Variants in DNAI4 observed in about 807,000 individuals in gnomAD.
DNAI4 encodes the protein dynein axonemal intermediate chain 4.
A neutral mutation model predicts 105.8 loss-of-function variants in DNAI4; 85 were observed. That is an observed-to-expected ratio of 0.80 (90% CI 0.67 to 0.96). The LOEUF is 0.96. DNAI4 is among the 40% of genes least tolerant of loss of function. The pLI is 0.00. For synonymous variants in DNAI4, 352 were observed against 331.5 expected (o/e 1.06, Z -0.67); for missense variants, 1,014 against 1,005.6 (o/e 1.01, Z -0.11).
intron 7 of DNAI4, among the ~76,000 whole-genome samples, chr1:66,852,728 G>C (rs763745383): frequency 1.3e-5 from 2 of 152,118 alleles, no homozygotes; most frequent in African/African-American, 4.8e-5. Context: ...CAGAATGATT[G>C]TGTCCCTATA....
chr1:66,918,943 T>C (rs1650267858), intron 1 of DNAI4: 1 of 289,298 alleles, frequency 3.5e-6, no homozygotes, highest in African/African-American at 2.2e-5. Context: ...CTGATATAGA[T>C]GCATATTCTG....
Position 66,874,785 on chromosome 1 carries a change from C to T in DNAI4, c.796G>A (p.Val266Ile). Residue 266 changes from valine to isoleucine, a missense_variant, in exon 5 of 17, where the codon GTA becomes ATA. Val to Ile is a conservative substitution (Grantham distance 29). Transcript: ENST00000371026. ...AGACAACTGAACCATACATACGTTA[C>T]TTTCTCAGCTTCTTCAGATTCTACA... is the stretch of plus-strand genomic sequence containing the variant. ...VSVESEEAEK[V>I]TQRNKNYEVL... 1 of 1,605,156 alleles carries T rather than the reference C, an allele frequency of 6.2e-7. No homozygotes were observed. The highest frequency in any genetic ancestry group is 8.5e-7 in the Non-Finnish European group (1 of 1,177,616).
intron 6 of DNAI4, among the ~76,000 whole-genome samples, chr1:66,866,626 G>A (rs1259631951): frequency 2.6e-5 from 4 of 151,962 alleles, no homozygotes; most frequent in Non-Finnish European, 4.4e-5. Flanking sequence ...AGTTGGTTTT[G>A]GTTGAGCACA....
intron 1 of DNAI4, among the ~76,000 whole-genome samples, chr1:66,924,237 C>A (rs1456520405): frequency 6.6e-6 from 1 of 152,252 alleles, no homozygotes; most frequent in African/African-American, 2.4e-5. Context: ...ACGGCACGAT[C>A]TCGGCTTACT....
chr1:66,872,205 TTTTATTTATTTATTA>T (rs975932263), intron 5 of DNAI4, among the ~76,000 whole-genome samples: 3 of 127,702 alleles, frequency 2.3e-5, no homozygotes, highest in African/African-American at 7.0e-5. Context: ...TTTCAGGTTA[TTTTATTTATTTATTA>T]TTTATTTATT....
At chr1:66,867,544 A>G (rs1489944488) in intron 6 of DNAI4, among the ~76,000 whole-genome samples, 3 of 148,972 alleles carry the variant, frequency 2.0e-5, no homozygotes, top group Non-Finnish European at 4.5e-5. Context: ...AGATCTTTTT[A>G]TTCTTTGGAT....
chr1:66,816,727 TCACACACACACACACACA>T (rs57920483), intron 16 of DNAI4, among the ~76,000 whole-genome samples: 19 of 137,692 alleles, frequency 1.4e-4, no homozygotes, highest in African/African-American at 2.2e-4. Flanking sequence ...AGCCTTGAAA[TCACACACACACACACACA>T]CACACACACA....
intron 7 of DNAI4, among the ~76,000 whole-genome samples, chr1:66,850,768 G>T (rs532663502): frequency 4.4e-4 from 67 of 151,874 alleles, no homozygotes; most frequent in African/African-American, 1.6e-3. Context: ...TACTTGAACT[G>T]GTAAAATGTC....
At chr1:66,858,540 A>AAAAAAAAAAAAAAAAACAAACAAAC (rs1646553430) in intron 7 of DNAI4, among the ~76,000 whole-genome samples, 2 of 150,856 alleles carry the variant, frequency 1.3e-5, no homozygotes, top group Admixed American at 1.3e-4. Context: ...CTCAAAAAAA[A>AAAAAAAAAAAAAAAAACAAACAAAC]AAAAAAAAAA....
At chr1:66,892,941 G>GAAAA (rs1647792519) in intron 3 of DNAI4, among the ~76,000 whole-genome samples, 1 of 85,370 alleles carries the variant, frequency 1.2e-5, no homozygotes, top group Non-Finnish European at 2.3e-5. Context: ...AGAAGAAAGA[G>GAAAA]AAGAAAGAGA....
intron 15 of DNAI4, among the ~76,000 whole-genome samples, chr1:66,822,819 G>A (rs897182170): frequency 5.9e-5 from 9 of 151,732 alleles, no homozygotes; most frequent in Non-Finnish European, 1.0e-4. Context: ...GGTACCCAGA[G>A]GTTTGGTCAA....
At chr1:66,905,135 T>C in intron 2 of DNAI4, 66 bp downstream of exon 2, 2 of 1,233,420 alleles carry the variant, frequency 1.6e-6, no homozygotes, top group Middle Eastern at 2.1e-4. Flanking sequence ...TTTTCTATCT[T>C]TAACATTTCA....
intron 4 of DNAI4, among the ~76,000 whole-genome samples, chr1:66,889,031 T>A (rs989271920): frequency 5.3e-5 from 8 of 152,192 alleles, no homozygotes; most frequent in South Asian, 2.1e-4. Flanking sequence ...GTTATGACAA[T>A]AATCCAGTTT....
At position 66,835,788 on chromosome 1, in the gene DNAI4, A is replaced by C. The variant is rs1448449353; in HGVS notation, c.1582-11T>G. The C allele has an allele frequency of 1.2e-6, 2 of 1,612,750 alleles. No homozygotes were observed. The highest frequency in any genetic ancestry group is 2.7e-5 in the African/African-American group (2 of 74,822). ...AATACGTTCTGGCCACTAAATTTTA[A>C]AAAATTACATTTTCAATTTGTTTTT... On this transcript the variant is annotated splice_polypyrimidine_tract_variant and intron_variant, in intron 10 of 16. Coordinates refer to ENST00000371026, the MANE Select transcript of DNAI4 (RefSeq NM_024763.5).
At chr1:66,848,224 C>A (rs1646318841) in intron 7 of DNAI4, 2 of 456,188 alleles carry the variant, frequency 4.4e-6, no homozygotes, top group South Asian at 3.1e-5. Context: ...GGGGCCACCA[C>A]AACCTTTCCT....
chr1:66,922,855 G>GT (rs1436792079), intron 1 of DNAI4, among the ~76,000 whole-genome samples: 11 of 152,128 alleles, frequency 7.2e-5, no homozygotes, highest in Admixed American at 2.0e-4. Flanking sequence ...AAGTGCAGGT[G>GT]TTTTTTCTTA....
intron 1 of DNAI4, among the ~76,000 whole-genome samples, chr1:66,909,315 C>T (rs1226122497): frequency 6.6e-6 from 1 of 151,564 alleles, no homozygotes; most frequent in Non-Finnish European, 1.5e-5. Flanking sequence ...CACACACACA[C>T]ACACACAGTC....
chr1:66,851,942 T>C (rs559639324), intron 7 of DNAI4, among the ~76,000 whole-genome samples: 1 of 151,374 alleles, frequency 6.6e-6, no homozygotes, highest in African/African-American at 2.4e-5. Flanking sequence ...GTAAATGAAG[T>C]TAGAAACAAG....
chr1:66,823,410 T>C (rs1450759412), intron 15 of DNAI4, among the ~76,000 whole-genome samples: 3 of 152,114 alleles, frequency 2.0e-5, no homozygotes, highest in Non-Finnish European at 4.4e-5. Flanking sequence ...TTATAGTCCT[T>C]TAGGTATATA....
Sources: allele counts gnomAD v4.1 joint callset (sites outside exome capture counted in the v4.1 genomes callset), GRCh38; gene constraint gnomAD v4.1.1; transcripts MANE v1.5; gene names NCBI Gene and HGNC (gene_info 2026-07-23, HGNC 2026-07-21).